FLNB: variants seen among roughly 807,000 people sequenced by gnomAD.
The protein encoded by FLNB is filamin B, also known as filamin-B.
In FLNB, 111 loss-of-function variants were observed where a neutral mutation model predicts 250.6. The observed-to-expected ratio is 0.44, with a 90% CI of 0.38 to 0.52. The LOEUF (loss-of-function observed/expected upper bound fraction) is 0.52, where lower values mean the gene tolerates loss of function less well. Ranked by LOEUF, FLNB falls within the 20% of genes least tolerant of loss-of-function variation. The pLI, the probability that FLNB is intolerant of heterozygous loss-of-function variation, is 0.00. For synonymous variants in FLNB, 1,302 were observed against 1,372.1 expected, an observed-to-expected ratio of 0.95 and a Z score of 1.13; for missense variants, 2,869 against 3,447.8, an observed-to-expected ratio of 0.83 and a Z score of 4.20.
chr3:58,121,802 G>A (rs980482679), intron 20 of FLNB, among the ~76,000 whole-genome samples: 2 of 152,158 alleles, frequency 1.3e-5, no homozygotes, highest in African/African-American at 2.4e-5. Context: ...GTTAGCAAAC[G>A]TGGAGGCCTC....
intron 1 of FLNB, among the ~76,000 whole-genome samples, chr3:58,039,943 A>C (rs1341452672): frequency 6.6e-6 from 1 of 152,166 alleles, no homozygotes; most frequent in Non-Finnish European, 1.5e-5. Flanking sequence ...TCAAGAGTTG[A>C]AGACCACCCT....
chr3:58,057,948 G>A (rs1416249154), intron 1 of FLNB, among the ~76,000 whole-genome samples: 2 of 151,996 alleles, frequency 1.3e-5, no homozygotes, highest in Non-Finnish European at 2.9e-5. Context: ...GCGCCACCAC[G>A]CCGGGCTAAT....
chr3:58,143,598 G>A lies in FLNB; in HGVS notation c.5410G>A (p.Gly1804Ser), dbSNP rs142786097. 1.9e-6 allele frequency: 3 copies of A among 1,613,950 alleles called. No homozygotes were observed. The African/African-American group carries it at 4.0e-5, about 22-fold the overall frequency. The change falls in exon 32 of 46, where the codon GGC becomes AGC. Residue 1804 changes from glycine to serine, a missense_variant. Gly to Ser is a moderately conservative substitution (Grantham distance 56). Coordinates refer to ENST00000295956, the MANE Select transcript of FLNB (RefSeq NM_001457.4). ...CCATGAGATGCACATCAAATACATG[G>A]GCAGCCACATCCCTGGTAAGCTGAG... ...GLHEMHIKYM[G>S]SHIPESPLQF...
At chr3:58,049,894 A>AG (rs2097159632) in intron 1 of FLNB, among the ~76,000 whole-genome samples, 1 of 152,158 alleles carries the variant, frequency 6.6e-6, no homozygotes, top group Admixed American at 6.6e-5. Flanking sequence ...ATCTACCCCT[A>AG]GCTGCCCCTC....
intron 33 of FLNB, among the ~76,000 whole-genome samples, chr3:58,146,369 C>T (rs2097335792): frequency 6.6e-6 from 1 of 152,204 alleles, no homozygotes; most frequent in Admixed American, 6.5e-5. Context: ...ACATGACTTA[C>T]TGAGTGGCTC....
At position 58,172,214 on chromosome 3, in the gene FLNB, A is replaced by G. The variant is rs1405085822; in HGVS notation, c.*1452A>G. 6.6e-6 allele frequency: 1 copy of G among 152,610 alleles called. No homozygotes were observed. Among genetic ancestry groups the G allele is most frequent in the Non-Finnish European group, 1.5e-5 (1 of 68,050 alleles). 9.5% of individuals were successfully genotyped at this position (152,610 alleles called of 1,614,324 possible). ...GAATCAAACGCCGACTGTAAATTGT[A>G]TCTTATAACTTATTAAATAAAACAT... On this transcript the variant is annotated 3_prime_UTR_variant, in exon 46 of 46. Transcript: ENST00000295956.
At chr3:58,132,210 G>A (rs768272096) in intron 25 of FLNB, 127 of 590,478 alleles carry the variant, frequency 2.2e-4, no homozygotes, top group Non-Finnish European at 3.4e-4. Flanking sequence ...GCAACCCAAC[G>A]CGTGCCTTGA....
intron 1 of FLNB, among the ~76,000 whole-genome samples, chr3:58,059,163 G>T (rs1416617034): frequency 6.6e-6 from 1 of 152,148 alleles, no homozygotes; most frequent in Non-Finnish European, 1.5e-5. Context: ...GGAAAAACCA[G>T]CTAACATCTG....
intron 1 of FLNB, among the ~76,000 whole-genome samples, chr3:58,033,671 A>C (rs1418080598): frequency 6.6e-6 from 1 of 152,104 alleles, no homozygotes; most frequent in Non-Finnish European, 1.5e-5. Context: ...GATCACAGGC[A>C]TGAGCCACTA....
intron 25 of FLNB, among the ~76,000 whole-genome samples, chr3:58,131,177 T>C (rs1267078792): frequency 6.6e-6 from 1 of 152,158 alleles, no homozygotes; most frequent in East Asian, 1.9e-4. Context: ...ATATGTAATA[T>C]GGTGGCGACT....
intron 1 of FLNB, among the ~76,000 whole-genome samples, chr3:58,057,752 G>A (rs1029061407): frequency 3.3e-5 from 5 of 152,106 alleles, no homozygotes; most frequent in African/African-American, 4.8e-5. Context: ...CATTATAGTC[G>A]ATGGAATCTC....
intron 11 of FLNB, among the ~76,000 whole-genome samples, chr3:58,106,460 G>A (rs1195816329): frequency 6.8e-6 from 1 of 147,794 alleles, no homozygotes; most frequent in African/African-American, 2.5e-5. Context: ...CCCAGCCCAG[G>A]CCTACATTTG....
chr3:58,045,269 C>T (rs1426699964), intron 1 of FLNB, among the ~76,000 whole-genome samples: 5 of 152,170 alleles, frequency 3.3e-5, no homozygotes, highest in African/African-American at 1.2e-4. Context: ...TCACCATGAT[C>T]AGTTTGAAAA....
At chr3:58,081,875 A>T (rs1287237883) in intron 4 of FLNB, 99 bp downstream of exon 4, 2 of 1,315,382 alleles carry the variant, frequency 1.5e-6, no homozygotes, top group East Asian at 4.6e-5. Context: ...TCAAAAATAG[A>T]TAGGTGTAAT....
chr3:58,118,543 A>T (rs2097282923), intron 18 of FLNB, among the ~76,000 whole-genome samples: 1 of 152,206 alleles, frequency 6.6e-6, no homozygotes, highest in Admixed American at 6.5e-5. Context: ...TCTCCTGAAA[A>T]AATGAGATGA....
At chr3:58,070,049 CTTTTT>C (rs10639474) in intron 1 of FLNB, among the ~76,000 whole-genome samples, 1 of 134,996 alleles carries the variant, frequency 7.4e-6, no homozygotes, top group African/African-American at 2.8e-5. Context: ...CTCTTTCTTT[CTTTTT>C]TTTTTTTTTT....
At chr3:58,115,766 C>G (rs1022252405) in intron 18 of FLNB, among the ~76,000 whole-genome samples, 21 of 142,098 alleles carry the variant, frequency 1.5e-4, no homozygotes, top group African/African-American at 5.7e-4. Context: ...TGGCAACATC[C>G]AAGCTGCTTG....
intron 1 of FLNB, among the ~76,000 whole-genome samples, chr3:58,015,549 T>A (rs1157396535): frequency 6.6e-6 from 1 of 152,138 alleles, no homozygotes; most frequent in Non-Finnish European, 1.5e-5. Flanking sequence ...AATGAGAGGA[T>A]CATGTCCTTT....
chr3:58,088,911 C>T (rs189369506), intron 4 of FLNB, among the ~76,000 whole-genome samples: 2 of 152,274 alleles, frequency 1.3e-5, no homozygotes, highest in Admixed American at 1.3e-4. Flanking sequence ...CCCACCTTCA[C>T]GCACCAGTAA....
Sources: gnomAD v4.1 joint callset for allele counts (sites outside exome capture counted in the v4.1 genomes callset) on GRCh38, gnomAD v4.1.1 for gene constraint, MANE v1.5 for transcripts, NCBI Gene and HGNC (gene_info 2026-07-23, HGNC 2026-07-21) for gene names.